The following FCHSD2 variants were observed in gnomAD, a reference collection of about 807,000 sequenced individuals.
The protein encoded by FCHSD2 is FCH and double SH3 domains 2.
FCHSD2 carries 38 observed loss-of-function variants against 108.1 expected under a neutral mutation model. The observed-to-expected ratio is 0.35, with a 90% confidence interval of 0.27 to 0.46. The LOEUF is 0.46. Ranked by LOEUF, FCHSD2 falls within the 20% of genes least tolerant of loss-of-function variation. The probability of loss-of-function intolerance (pLI) is 1.00; values close to 1 mark genes in which losing one functional copy is unlikely to be tolerated. For synonymous variants in FCHSD2, 279 were observed against 314.7 expected (o/e 0.89, Z 1.20); for missense variants, 751 against 897.8 (o/e 0.84, Z 2.09).
chr11:73,129,311 C>T (rs989846040), intron 2 of FCHSD2, among the ~76,000 whole-genome samples: 3 of 152,198 alleles, frequency 2.0e-5, no homozygotes, highest in Non-Finnish European at 2.9e-5. Context: ...GGACCACTAA[C>T]GGTCTGTGGC....
intron 8 of FCHSD2, among the ~76,000 whole-genome samples, chr11:72,967,889 A>C (rs1175698401): frequency 6.6e-6 from 1 of 151,884 alleles, no homozygotes; most frequent in African/African-American, 2.4e-5. Context: ...CAGGAGATTG[A>C]GACCATCCTG....
chr11:72,877,661 T>A (rs1218199109), intron 12 of FCHSD2, among the ~76,000 whole-genome samples: 1 of 152,186 alleles, frequency 6.6e-6, no homozygotes, highest in East Asian at 1.9e-4. Flanking sequence ...ATAGCAATAT[T>A]TATGTTGTAG....
chr11:72,916,596 T>C (rs1855878974), intron 9 of FCHSD2, among the ~76,000 whole-genome samples: 1 of 152,234 alleles, frequency 6.6e-6, no homozygotes, highest in Non-Finnish European at 1.5e-5. Flanking sequence ...ATTACAAGCG[T>C]GAGCCACTGT....
intron 10 of FCHSD2, among the ~76,000 whole-genome samples, chr11:72,896,732 G>A (rs1208874727): frequency 7.6e-6 from 1 of 131,464 alleles, no homozygotes; most frequent in Non-Finnish European, 1.5e-5. Context: ...TTTGATATTT[G>A]GTATTTCCTG....
intron 5 of FCHSD2, among the ~76,000 whole-genome samples, chr11:73,000,570 T>C (rs6592505): frequency 0.76 from 114,866 of 152,058 alleles, 43,738 homozygotes; most frequent in South Asian, 0.87. Context: ...CAAAATGTGT[T>C]AATTTCCTTT....
At chr11:72,919,375 G>A (rs1208016318) in intron 9 of FCHSD2, among the ~76,000 whole-genome samples, 1 of 152,096 alleles carries the variant, frequency 6.6e-6, no homozygotes, top group Non-Finnish European at 1.5e-5. Context: ...AGTGAATGCA[G>A]AAAATGAAAG....
intron 2 of FCHSD2, among the ~76,000 whole-genome samples, chr11:73,097,345 G>A (rs778585522): frequency 6.6e-6 from 1 of 150,484 alleles, no homozygotes; most frequent in Non-Finnish European, 1.5e-5. Context: ...GTTGGATTCA[G>A]TTTCCTAGGT....
intron 8 of FCHSD2, among the ~76,000 whole-genome samples, chr11:72,952,698 T>C (rs1470540146): frequency 1.3e-5 from 2 of 152,138 alleles, no homozygotes; most frequent in African/African-American, 2.4e-5. Flanking sequence ...CATTAAGTTA[T>C]ATGGATTAGT....
chr11:72,950,366 T>C (rs926479393), intron 8 of FCHSD2, among the ~76,000 whole-genome samples: 1 of 152,198 alleles, frequency 6.6e-6, no homozygotes, highest in Admixed American at 6.5e-5. Flanking sequence ...CTTTCTTTGG[T>C]TGCTTGTGTT....
At chr11:73,011,956 T>G (rs997025310) in intron 4 of FCHSD2, among the ~76,000 whole-genome samples, 56 of 152,206 alleles carry the variant, frequency 3.7e-4, no homozygotes, top group African/African-American at 1.3e-3. Flanking sequence ...GTCAGCCACC[T>G]TGAAGACCCT....
chr11:72,917,392 A>G (rs1855895260), intron 9 of FCHSD2, among the ~76,000 whole-genome samples: 1 of 152,132 alleles, frequency 6.6e-6, no homozygotes, highest in Non-Finnish European at 1.5e-5. Context: ...AAATCAATTG[A>G]CCATAGATGT....
In FCHSD2 at chr11:72,881,146, C is replaced by A. The variant is rs142568897; in HGVS notation, c.1146+6324G>T. Among the ~76,000 whole-genome samples, 5 of 152,210 alleles carry A rather than the reference C, an allele frequency of 3.3e-5. No individual in the cohort carries two copies. In the East Asian group the frequency reaches 9.7e-4, roughly 29 times the overall value. On this transcript the variant is annotated intron_variant, in intron 12 of 19. Transcript: ENST00000409418. Reference sequence around the variant, plus strand: ...ATTCATGCAACAAGGGACTAATATACGGAATATACACGGAACTCAAACAAC... The same window carrying A: ...ATTCATGCAACAAGGGACTAATATAAGGAATATACACGGAACTCAAACAAC...
intron 3 of FCHSD2, among the ~76,000 whole-genome samples, chr11:73,063,185 A>G (rs1007700703): frequency 1.4e-4 from 22 of 152,216 alleles, no homozygotes; most frequent in African/African-American, 5.3e-4. Flanking sequence ...ATCCAGCCTA[A>G]CTAAGCTTCA....
In FCHSD2 at chr11:73,056,439, G is replaced by T. The variant is rs555568428; in HGVS notation, c.165+27256C>A. On this transcript the variant is annotated intron_variant, in intron 3 of 19. Transcript: ENST00000409418. ...GTAATCTTTTTAAAAATTATTTTTT[G>T]TCTCCCTAGATTCTAAAAGTCATAC... 1.4e-3 allele frequency among the ~76,000 whole-genome samples: 212 copies of T among 152,144 alleles called. 4 individuals carry two copies. The South Asian group carries it at 0.042, about 30-fold the overall frequency.
At chr11:72,842,492 G>A (rs1860991242) in intron 17 of FCHSD2, 129 bp downstream of exon 17, 31 of 1,101,824 alleles carry the variant, frequency 2.8e-5, no homozygotes, top group Non-Finnish European at 4.0e-5. Flanking sequence ...CAGTTGTGCA[G>A]ACACTGGCAA....
chr11:72,921,325 C>T (rs1855972860), intron 9 of FCHSD2, among the ~76,000 whole-genome samples: 1 of 152,142 alleles, frequency 6.6e-6, no homozygotes, highest in Non-Finnish European at 1.5e-5. Context: ...GTCAGCAAAC[C>T]TGATGGATCT....
intron 2 of FCHSD2, among the ~76,000 whole-genome samples, chr11:73,101,914 G>C (rs1221346979): frequency 6.6e-6 from 1 of 152,184 alleles, no homozygotes; most frequent in Non-Finnish European, 1.5e-5. Flanking sequence ...TATGAAAACA[G>C]ATTTGCTTTC....
chr11:73,036,934 G>A (rs1858512425), intron 3 of FCHSD2, among the ~76,000 whole-genome samples: 2 of 152,178 alleles, frequency 1.3e-5, no homozygotes, highest in Non-Finnish European at 2.9e-5. Context: ...ACGTTCATCT[G>A]TTAACGCGGA....
At chr11:72,859,799 T>C (rs1367176263) in intron 13 of FCHSD2, among the ~76,000 whole-genome samples, 1 of 152,028 alleles carries the variant, frequency 6.6e-6, no homozygotes, top group Non-Finnish European at 1.5e-5. Context: ...TTAGGAAAAA[T>C]AATCCTCAGA....
Sources: gnomAD v4.1 joint callset for allele counts (sites outside exome capture counted in the v4.1 genomes callset) on GRCh38, gnomAD v4.1.1 for gene constraint, MANE v1.5 for transcripts, NCBI Gene and HGNC (gene_info 2026-07-23, HGNC 2026-07-21) for gene names.